The following AAK1 variants were observed in gnomAD, a reference collection of about 807,000 sequenced individuals.
AAK1 encodes AP2-associated protein kinase 1.
In AAK1, 37 loss-of-function variants were observed where a neutral mutation model predicts 116.0. That is an observed-to-expected ratio of 0.32 (90% CI 0.25 to 0.42). The LOEUF (loss-of-function observed/expected upper bound fraction) is 0.42. Ranked by LOEUF, AAK1 falls within the 10% of genes least tolerant of loss-of-function variation. The probability of loss-of-function intolerance (pLI) is 1.00; values close to 1 mark genes in which losing one functional copy is unlikely to be tolerated. For synonymous variants in AAK1, 458 were observed against 439.9 expected (o/e 1.04, Z -0.51); for missense variants, 919 against 1,170.6 (o/e 0.79, Z 3.14).
intron 17 of AAK1, among the ~76,000 whole-genome samples, chr2:69,483,923 C>G (rs1675191757): frequency 6.6e-6 from 1 of 152,106 alleles, no homozygotes; most frequent in African/African-American, 2.4e-5. Context: ...CATCAAGAAC[C>G]CTCTATTTAC....
chr2:69,468,242 C>T lies in AAK1; in HGVS notation c.*7627G>A, dbSNP rs549666111. 1.1e-4 allele frequency: 110 copies of T among 985,294 alleles called. No homozygotes were observed. Among genetic ancestry groups the T allele is most frequent in the Admixed American group, 6.1e-4 (10 of 16,264 alleles). 61.0% of individuals were successfully genotyped at this position (985,294 alleles called of 1,614,324 possible). The stretch of plus-strand genomic sequence containing the variant: ...CTTCCTTGCGATTTATGTGGACAGA[C>T]ATAATCCTAATTTCTCAGGCAAGTA... On this transcript the variant is annotated 3_prime_UTR_variant, in exon 22 of 22. Transcript: ENST00000409085.
At chr2:69,605,484 T>C (rs924033123) in intron 2 of AAK1, among the ~76,000 whole-genome samples, 2 of 152,190 alleles carry the variant, frequency 1.3e-5, no homozygotes, top group African/African-American at 2.4e-5. Flanking sequence ...GCGAAAATAG[T>C]GCAGAGGAGA....
intron 16 of AAK1, among the ~76,000 whole-genome samples, chr2:69,503,693 T>C (rs1484012302): frequency 6.6e-6 from 1 of 152,188 alleles, no homozygotes; most frequent in Non-Finnish European, 1.5e-5. Context: ...CTAATTTTTG[T>C]ATTTTTTGGC....
chr2:69,598,473 A>G (rs1673404760), intron 2 of AAK1: 1 of 206,462 alleles, frequency 4.8e-6, no homozygotes, highest in African/African-American at 2.3e-5. Context: ...AATTTCTTAA[A>G]AGTGGATATT....
At chr2:69,518,893 T>C in intron 12 of AAK1, 61 bp downstream of exon 12, 1 of 1,474,068 alleles carries the variant, frequency 6.8e-7, no homozygotes, top group African/African-American at 1.4e-5. Context: ...CTTTACCTAG[T>C]GGGCCTTTTC....
chr2:69,527,717 C>T (rs1045101707), intron 8 of AAK1, among the ~76,000 whole-genome samples: 4 of 152,102 alleles, frequency 2.6e-5, no homozygotes, highest in Admixed American at 2.6e-4. Context: ...ATAACCAAAA[C>T]CCAAACTTCA....
In AAK1 at chr2:69,530,090, C is replaced by T; in HGVS notation, c.789G>A (p.Gly263=). The change falls in exon 8 of 22, where the codon GGG becomes GGA. Residue 263 remains glycine, a synonymous_variant. Transcript: ENST00000409085. Reference sequence around the variant, plus strand: ...CATCACAAATTGCCACCTGACTTTCCCCAAATGGCAAAGTGAAGTAGCATA... The same window carrying T: ...CATCACAAATTGCCACCTGACTTTCTCCAAATGGCAAAGTGAAGTAGCATA... ...YKLCYFTLPF[G]ESQVAICDGN... The T allele has an allele frequency of 6.2e-7, 1 of 1,610,406 alleles. No homozygotes were observed. The highest frequency in any genetic ancestry group is 8.5e-7 in the Non-Finnish European group (1 of 1,178,550).
In AAK1 at chr2:69,463,376, G is replaced by A. The variant is rs1367790773; in HGVS notation, c.*12493C>T. On this transcript the variant is annotated 3_prime_UTR_variant, in exon 22 of 22. Coordinates refer to ENST00000409085, the MANE Select transcript of AAK1 (RefSeq NM_014911.5). Reference sequence around the variant, plus strand: ...TTATTTTTATTATTATATTTTTGGAGACAGTGTCTCACTCTGTCACCCAGG... The same window carrying A: ...TTATTTTTATTATTATATTTTTGGAAACAGTGTCTCACTCTGTCACCCAGG... 6.6e-6 allele frequency: 1 copy of A among 152,088 alleles called. No individual in the cohort carries two copies. Among genetic ancestry groups the A allele is most frequent in the Non-Finnish European group, 1.5e-5 (1 of 68,030 alleles). The allele number at this position is 152,088 out of a possible 1,614,324, so 9.4% of individuals were successfully genotyped here. A position where few individuals can be genotyped will look rare whatever the true frequency, so the allele number is the denominator to read the frequency against.
chr2:69,496,554 G>T (rs1572895592), intron 16 of AAK1, among the ~76,000 whole-genome samples: 1 of 152,032 alleles, frequency 6.6e-6, no homozygotes, highest in Admixed American at 6.5e-5. Flanking sequence ...ATGAGCCACC[G>T]CACCCAGCTC....
At chr2:69,504,139 G>A (rs1177669571) in intron 16 of AAK1, among the ~76,000 whole-genome samples, 1 of 152,130 alleles carries the variant, frequency 6.6e-6, no homozygotes, top group African/African-American at 2.4e-5. Context: ...GCTCATGCCT[G>A]TAATCCCAGC....
At chr2:69,587,140 G>A (rs566586773) in intron 2 of AAK1, among the ~76,000 whole-genome samples, 17 of 146,800 alleles carry the variant, frequency 1.2e-4, no homozygotes, top group Admixed American at 5.4e-4. Context: ...GCTGGAGTAC[G>A]ATGGCATGCT....
Position 69,467,775 on chromosome 2 carries a change from C to T in AAK1, c.*8094G>A, listed in dbSNP as rs180671012. The T allele has an allele frequency of 3.9e-3, 3,863 of 985,378 alleles. 9 individuals are homozygous for T. The highest frequency in any genetic ancestry group is 4.3e-3 in the Non-Finnish European group (3,550 of 829,926). 61.0% of individuals were successfully genotyped at this position (985,378 alleles called of 1,614,324 possible). Reference sequence around the variant, plus strand: ...TTTCTGCATGAATTAAGCACACAGACCACAGCAGAAGAGGCATTAAAATCA... The same window carrying T: ...TTTCTGCATGAATTAAGCACACAGATCACAGCAGAAGAGGCATTAAAATCA... On this transcript the variant is annotated 3_prime_UTR_variant, in exon 22 of 22. Coordinates refer to ENST00000409085, the MANE Select transcript of AAK1 (RefSeq NM_014911.5).
At chr2:69,581,655 C>T (rs138391962) in intron 2 of AAK1, among the ~76,000 whole-genome samples, 102 of 152,152 alleles carry the variant, frequency 6.7e-4, no homozygotes, top group Middle Eastern at 3.4e-3. Flanking sequence ...TGAAAATTGA[C>T]GCAAAACACT....
intron 2 of AAK1, among the ~76,000 whole-genome samples, chr2:69,588,121 A>T (rs988688471): frequency 2.0e-5 from 3 of 152,150 alleles, no homozygotes; most frequent in Admixed American, 6.5e-5. Flanking sequence ...TTCAAATCCC[A>T]CAGCCAACAC....
intron 2 of AAK1, among the ~76,000 whole-genome samples, chr2:69,599,617 T>C (rs993844933): frequency 6.6e-6 from 1 of 152,218 alleles, no homozygotes; most frequent in Admixed American, 6.5e-5. Context: ...TAGGTTATTA[T>C]TGATAGCTCC....
chr2:69,478,414 T>C (rs1236978317), intron 20 of AAK1: 2 of 152,524 alleles, frequency 1.3e-5, no homozygotes, highest in African/African-American at 4.8e-5. Flanking sequence ...TCTAGGGCTT[T>C]TTTCAGATTT....
Position 69,505,667 on chromosome 2 carries a change from T to G in AAK1, c.2171A>C (p.His724Pro). The change falls in exon 16 of 22, where the codon CAT becomes CCT. Residue 724 changes from histidine to proline, a missense_variant. This residue lies in a region of AAK1 where 263 missense variants were observed against 285.5 expected (regional missense o/e 0.92). Transcript: ENST00000409085. ...KDFAKLGEGK[H>P]PEKLGGSAES... ...AGCTGAGCCTCCAAGCTTCTCGGGA[T>G]GTTTGCCTGGAGAGACAAAACACCA... is the stretch of plus-strand genomic sequence containing the variant. 6.2e-7 allele frequency: 1 copy of G among 1,613,432 alleles called. No homozygotes were observed. Among genetic ancestry groups the G allele is most frequent in the South Asian group, 1.1e-5 (1 of 91,032 alleles).
Position 69,473,122 on chromosome 2 carries a change from A to G in AAK1, c.*2747T>C, listed in dbSNP as rs1674735060. 3.5e-6 allele frequency: 3 copies of G among 846,414 alleles called. No homozygotes were observed. Among genetic ancestry groups the G allele is most frequent in the South Asian group, 1.1e-4 (2 of 18,286 alleles). 52.4% of individuals were successfully genotyped at this position (846,414 alleles called of 1,614,324 possible). ...AACCCATCGTATAACTCTAAGGAAC[A>G]GCAACTCTGAGAGGTGAAGTGCCTG... is the stretch of plus-strand genomic sequence containing the variant. On this transcript the variant is annotated 3_prime_UTR_variant, in exon 22 of 22. Transcript: ENST00000409085.
At chr2:69,615,183 T>C (rs529936758) in intron 2 of AAK1, among the ~76,000 whole-genome samples, 10 of 152,312 alleles carry the variant, frequency 6.6e-5, no homozygotes, top group African/African-American at 1.9e-4. Flanking sequence ...GGAAACTGCA[T>C]GCCCATTGGT....
Sources: allele counts gnomAD v4.1 joint callset (sites outside exome capture counted in the v4.1 genomes callset), GRCh38; gene constraint gnomAD v4.1.1; regional missense constraint gnomAD v4.1.1; transcripts MANE v1.5; gene names NCBI Gene and HGNC (gene_info 2026-07-23, HGNC 2026-07-21).